The following MEI4 variants were observed in gnomAD, a reference collection of about 807,000 sequenced individuals.
MEI4 encodes meiosis-specific protein MEI4.
MEI4 carries 27 observed loss-of-function variants against 31.4 expected under a neutral mutation model. That is an observed-to-expected ratio of 0.86 (90% CI 0.63 to 1.19). The LOEUF (loss-of-function observed/expected upper bound fraction) is 1.19. Among genes scored for constraint, MEI4 ranks in the 50% most tolerant of loss-of-function variants. The pLI, the probability that MEI4 is intolerant of heterozygous loss-of-function variation, is 0.00. For synonymous variants in MEI4, 122 were observed against 145.4 expected (o/e 0.84, Z 1.16); for missense variants, 329 against 398.9 (o/e 0.82, Z 1.49).
chr6:77,889,093 A>G (rs1771694845), intron 4 of MEI4, among the ~76,000 whole-genome samples: 1 of 152,154 alleles, frequency 6.6e-6, no homozygotes, highest in Non-Finnish European at 1.5e-5. Flanking sequence ...TCATAGCAGC[A>G]TTAAAACATA....
chr6:77,856,962 TACC>T (rs1770760995), intron 4 of MEI4, among the ~76,000 whole-genome samples: 1 of 152,242 alleles, frequency 6.6e-6, no homozygotes, highest in South Asian at 2.1e-4. Flanking sequence ...CTAATCTCCT[TACC>T]ACAATTTTGA....
chr6:77,811,610 A>G (rs749186635), intron 3 of MEI4, among the ~76,000 whole-genome samples: 8 of 152,088 alleles, frequency 5.3e-5, no homozygotes, highest in Non-Finnish European at 8.8e-5. Flanking sequence ...CCCCGTCTCT[A>G]CTAAAAATAC....
chr6:77,889,377 T>C (rs1397468823), intron 4 of MEI4, among the ~76,000 whole-genome samples: 1 of 152,138 alleles, frequency 6.6e-6, no homozygotes, highest in Non-Finnish European at 1.5e-5. Flanking sequence ...TCTTGGGAGC[T>C]GGAGCAAAGG....
chr6:77,852,197 G>A (rs12526967), intron 4 of MEI4, among the ~76,000 whole-genome samples: 14,003 of 152,130 alleles, frequency 0.092, 938 homozygotes, highest in East Asian at 0.31. Flanking sequence ...AGAGGGTCAT[G>A]GGACGTGGCA....
intron 4 of MEI4, among the ~76,000 whole-genome samples, chr6:77,842,509 A>G (rs542306376): frequency 3.3e-4 from 50 of 152,148 alleles, no homozygotes; most frequent in Non-Finnish European, 5.3e-4. Context: ...CCCAGACCAC[A>G]TAAAAGGAAG....
intron 2 of MEI4, among the ~76,000 whole-genome samples, chr6:77,701,108 T>G (rs527357744): frequency 6.6e-6 from 1 of 152,274 alleles, no homozygotes; most frequent in South Asian, 2.1e-4. Context: ...TCTTTTTCTT[T>G]ATAAAAGATT....
At chr6:77,904,667 T>C (rs1458878925) in intron 4 of MEI4, among the ~76,000 whole-genome samples, 2 of 152,162 alleles carry the variant, frequency 1.3e-5, no homozygotes, top group Admixed American at 1.3e-4. Context: ...CTGCAGAATA[T>C]TCCATGATGT....
At chr6:77,777,886 A>C (rs986663538) in intron 3 of MEI4, among the ~76,000 whole-genome samples, 8 of 152,312 alleles carry the variant, frequency 5.3e-5, no homozygotes, top group Admixed American at 2.0e-4. Context: ...AATTAAAAAA[A>C]CCTTTAAATT....
chr6:77,692,968 G>A (rs1328327833), intron 2 of MEI4, among the ~76,000 whole-genome samples: 1 of 152,040 alleles, frequency 6.6e-6, no homozygotes, highest in Non-Finnish European at 1.5e-5. Flanking sequence ...AGCCATGAGT[G>A]TAGGTGGGAA....
In MEI4 at chr6:77,736,894, A is replaced by G. The variant is rs146145106; in HGVS notation, c.233-24236A>G. On this transcript the variant is annotated intron_variant, in intron 2 of 4. Transcript: ENST00000684080. ...ATTTTGAAGGAAGTTGCTTGCCTTT[A>G]AGGATGGATAGGATTTAGAGAGCTA... 2.9e-3 allele frequency among the ~76,000 whole-genome samples: 436 copies of G among 151,330 alleles called. 7 individuals carry two copies. The highest frequency in any genetic ancestry group is 9.8e-3 in the African/African-American group (399 of 40,656).
chr6:77,923,347 CT>C lies in MEI4; in HGVS notation c.*2del. The C allele has an allele frequency of 8.1e-7, 1 of 1,229,516 alleles. No individual in the cohort carries two copies. The highest frequency in any genetic ancestry group is 1.0e-6 in the Non-Finnish European group (1 of 986,118). 76.2% of individuals were successfully genotyped at this position (1,229,516 alleles called of 1,614,324 possible). The stretch of plus-strand genomic sequence containing the variant: ...ACAGATAGAAACTCTTAGAAAATAA[CT>C]CCATTCCTTAGCAATTTACCACGTT... On this transcript the variant is annotated 3_prime_UTR_variant, in exon 5 of 5. Coordinates refer to ENST00000684080, the MANE Select transcript of MEI4 (RefSeq NM_001322247.2).
chr6:77,769,831 G>T (rs1768266747), intron 3 of MEI4, among the ~76,000 whole-genome samples: 1 of 152,008 alleles, frequency 6.6e-6, no homozygotes, highest in South Asian at 2.1e-4. Context: ...CTTGGGCCCT[G>T]AATAATTAGT....
At chr6:77,799,316 C>T (rs988153176) in intron 3 of MEI4, among the ~76,000 whole-genome samples, 6 of 152,158 alleles carry the variant, frequency 3.9e-5, no homozygotes, top group African/African-American at 1.2e-4. Context: ...TGTTCATGTC[C>T]TTCACCCACT....
At chr6:77,843,026 T>G (rs1422114907) in intron 4 of MEI4, among the ~76,000 whole-genome samples, 1 of 151,626 alleles carries the variant, frequency 6.6e-6, no homozygotes, top group Non-Finnish European at 1.5e-5. Context: ...ATATATAATC[T>G]ATTCCAAAAA....
chr6:77,889,943 G>T (rs1033671532), intron 4 of MEI4, among the ~76,000 whole-genome samples: 1 of 152,228 alleles, frequency 6.6e-6, no homozygotes, highest in Non-Finnish European at 1.5e-5. Flanking sequence ...CAGAAGTCAA[G>T]AATTGAAGTT....
intron 3 of MEI4, among the ~76,000 whole-genome samples, chr6:77,765,992 G>T (rs1266280276): frequency 6.6e-6 from 1 of 152,020 alleles, no homozygotes; most frequent in Non-Finnish European, 1.5e-5. Flanking sequence ...AGAACACATG[G>T]ACACAGGAAG....
chr6:77,827,551 A>G (rs1769985374), intron 3 of MEI4, among the ~76,000 whole-genome samples: 1 of 151,998 alleles, frequency 6.6e-6, no homozygotes, highest in Admixed American at 6.6e-5. Flanking sequence ...GATTGGCAGA[A>G]CTCACATCCA....
At chr6:77,774,515 G>T (rs1280148559) in intron 3 of MEI4, among the ~76,000 whole-genome samples, 2 of 152,160 alleles carry the variant, frequency 1.3e-5, no homozygotes, top group Middle Eastern at 3.4e-3. Flanking sequence ...CCAAAGGCTG[G>T]TAAGCGAGGA....
At chr6:77,821,370 C>T (rs1340106405) in intron 3 of MEI4, among the ~76,000 whole-genome samples, 1 of 152,072 alleles carries the variant, frequency 6.6e-6, no homozygotes, top group Admixed American at 6.5e-5. Flanking sequence ...GTGTTTTCCT[C>T]AAGAGTGGTT....
Sources: allele counts gnomAD v4.1 joint callset (sites outside exome capture counted in the v4.1 genomes callset), GRCh38; gene constraint gnomAD v4.1.1; transcripts MANE v1.5; gene names NCBI Gene and HGNC (gene_info 2026-07-23, HGNC 2026-07-21).